CACNA1E: variants seen among roughly 807,000 people sequenced by gnomAD.
CACNA1E encodes the protein calcium voltage-gated channel subunit alpha1 E.
CACNA1E carries 40 observed loss-of-function variants against 259.2 expected under a neutral mutation model. The observed-to-expected ratio is 0.15, with a 90% confidence interval of 0.12 to 0.20. The LOEUF (loss-of-function observed/expected upper bound fraction) is 0.20. Among genes scored for constraint, CACNA1E ranks in the 10% least tolerant of loss-of-function variants. CACNA1E has a pLI of 1.00. For synonymous variants in CACNA1E, 1,104 were observed against 1,138.5 expected (o/e 0.97, Z 0.61); for missense variants, 1,874 against 3,040.1 (o/e 0.62, Z 9.02).
rs2102948064 is a variant in CACNA1E at position 181,807,312 on chromosome 1, G to A, written c.*8478G>A. 1 of 152,186 alleles carries A rather than the reference G, an allele frequency of 6.6e-6. No individual in the cohort carries two copies. Among genetic ancestry groups the A allele is most frequent in the East Asian group, 1.9e-4 (1 of 5,154 alleles). The allele number at this position is 152,186 out of a possible 1,614,324, so 9.4% of individuals were successfully genotyped here. A position where few individuals can be genotyped will look rare whatever the true frequency, so the allele number is the denominator to read the frequency against. ...CTTCCTTATGGAACAACAGGGCTCTGTGACCAGAAAAACTATGACCAGCCT... is the reference window on the plus strand; with the variant it reads ...CTTCCTTATGGAACAACAGGGCTCTATGACCAGAAAAACTATGACCAGCCT... On this transcript the variant is annotated 3_prime_UTR_variant, in exon 48 of 48. Coordinates refer to ENST00000367573, the MANE Select transcript of CACNA1E (RefSeq NM_001205293.3).
intron 7 of CACNA1E, among the ~76,000 whole-genome samples, chr1:181,706,464 C>T (rs975544320): frequency 6.6e-6 from 1 of 152,152 alleles, no homozygotes; most frequent in Non-Finnish European, 1.5e-5. Flanking sequence ...TGCTCCTGTT[C>T]TCTCCAGAAT....
intron 7 of CACNA1E, among the ~76,000 whole-genome samples, chr1:181,702,736 T>G (rs1652394843): frequency 6.6e-6 from 1 of 152,210 alleles, no homozygotes; most frequent in South Asian, 2.1e-4. Context: ...GATGTCTGCA[T>G]GGCTCACTTC....
chr1:181,772,320 A>C, intron 37 of CACNA1E, 89 bp downstream of exon 37: 1 of 1,380,864 alleles, frequency 7.2e-7, no homozygotes, highest in Admixed American at 1.9e-5. Flanking sequence ...TGTTTGCTTC[A>C]GTGTATGTTT....
At chr1:181,554,129 C>T (rs942526348) in intron 3 of CACNA1E, among the ~76,000 whole-genome samples, 2 of 152,218 alleles carry the variant, frequency 1.3e-5, no homozygotes, top group African/African-American at 4.8e-5. Context: ...ACCCCAGCCT[C>T]CCTAGTAGCT....
rs150878976 is a variant in CACNA1E at position 181,451,866 on chromosome 1, T to C, written c.435-31878T>C. ...CCTACGAGAAGTGGGGAGCCAATAA[T>C]GTATTTTAAGCAGGGGCATGAGGCA... On this transcript the variant is annotated intron_variant, in intron 2 of 11. Transcript: ENST00000524607. Among the ~76,000 whole-genome samples, 799 of 152,232 alleles carry C rather than the reference T, an allele frequency of 5.2e-3. 4 individuals are homozygous for C. The highest frequency in any genetic ancestry group is 0.019 in the African/African-American group (771 of 41,526).
intron 7 of CACNA1E, among the ~76,000 whole-genome samples, chr1:181,698,095 A>T (rs1651886589): frequency 6.6e-6 from 1 of 152,186 alleles, no homozygotes; most frequent in African/African-American, 2.4e-5. Context: ...AGTTATTTAG[A>T]ATCTATGAGG....
chr1:181,640,843 T>C (rs74783731), intron 6 of CACNA1E, among the ~76,000 whole-genome samples: 4,428 of 152,250 alleles, frequency 0.029, 99 homozygotes, highest in Non-Finnish European at 0.047. Context: ...TTATCGAGAA[T>C]CTCCTGTTTG....
At chr1:181,505,334 A>G (rs1349693769) in intron 1 of CACNA1E, among the ~76,000 whole-genome samples, 2 of 151,970 alleles carry the variant, frequency 1.3e-5, no homozygotes, top group Non-Finnish European at 2.9e-5. Flanking sequence ...CCTTCCAGCA[A>G]GACAGAATTT....
At chr1:181,331,873 C>T (rs72729311) in intron 1 of CACNA1E, among the ~76,000 whole-genome samples, 2,265 of 152,110 alleles carry the variant, frequency 0.015, 25 homozygotes, top group African/African-American at 0.023. Flanking sequence ...TCAGGTTTGT[C>T]GAAGATCAGA....
Position 181,736,385 on chromosome 1 carries a change from A to G in CACNA1E, c.3373A>G (p.Lys1125Glu). ...KQKKEKRETGKAMVPHSSMFI... is the reference protein window; with the variant it reads ...KQKKEKRETGEAMVPHSSMFI... ...GAAGAAGGAGAAGCGTGAGACAGGC[A>G]AAGCCATGGTGCCCCACAGCTCAAT... The change falls in exon 22 of 48, where the codon AAA becomes GAA. Residue 1125 changes from lysine (K) to glutamate (E), a missense_variant. Lys to Glu is a moderately conservative substitution (Grantham distance 56). Transcript: ENST00000367573. 3 of 1,612,656 alleles carry G rather than the reference A, an allele frequency of 1.9e-6. No homozygotes were observed. The highest frequency in any genetic ancestry group is 2.5e-6 in the Non-Finnish European group (3 of 1,179,340).
chr1:181,387,523 G>C (rs1310535890), intron 1 of CACNA1E, among the ~76,000 whole-genome samples: 1 of 152,198 alleles, frequency 6.6e-6, no homozygotes, highest in African/African-American at 2.4e-5. Flanking sequence ...GGAGCCAAAG[G>C]TATATGAAGC....
intron 1 of CACNA1E, among the ~76,000 whole-genome samples, chr1:181,379,120 C>T (rs1476348926): frequency 6.6e-6 from 1 of 151,902 alleles, no homozygotes; most frequent in Non-Finnish European, 1.5e-5. Context: ...TAAGTAGAGA[C>T]ATGGGAAATA....
Position 181,784,787 on chromosome 1 carries a change from G to C in CACNA1E, c.5578+19G>C. The C allele has an allele frequency of 6.9e-7, 1 of 1,439,212 alleles. No homozygotes were observed. The highest frequency in any genetic ancestry group is 1.4e-5 in the African/African-American group (1 of 70,926). 89.2% of individuals were successfully genotyped at this position (1,439,212 alleles called of 1,614,324 possible). A position where few individuals can be genotyped will look rare whatever the true frequency, so the allele number is the denominator to read the frequency against. ...CCCAAAGGTTTGGGTCTTCTCCTGG[G>C]TATCCTTGTCACTGTGGGCCCAGCA... On this transcript the variant is annotated intron_variant, in intron 41 of 47. Transcript: ENST00000367573.
chr1:181,780,732 T>G lies in CACNA1E; in HGVS notation c.5268-695T>G, dbSNP rs1258459948. On this transcript the variant is annotated intron_variant, in intron 38 of 47. Transcript: ENST00000367573. ...GTTTCTTCTGTCCCCAGCATGCCATTGACCTGGCACATGCTGGGGAATAAA... is the reference window on the plus strand; with the variant it reads ...GTTTCTTCTGTCCCCAGCATGCCATGGACCTGGCACATGCTGGGGAATAAA... Among the ~76,000 whole-genome samples, 3 of 152,274 alleles carry G rather than the reference T, an allele frequency of 2.0e-5. No homozygotes were observed. The East Asian group carries it at 5.8e-4, about 29-fold the overall frequency.
At chr1:181,507,718 C>T (rs544804999) in intron 1 of CACNA1E, among the ~76,000 whole-genome samples, 1 of 152,268 alleles carries the variant, frequency 6.6e-6, no homozygotes, top group East Asian at 1.9e-4. Context: ...AAGATTCAAC[C>T]CCCCAAAACA....
chr1:181,410,011 C>T (rs1375124840), intron 1 of CACNA1E, among the ~76,000 whole-genome samples: 1 of 151,988 alleles, frequency 6.6e-6, no homozygotes, highest in African/African-American at 2.4e-5. Flanking sequence ...GAGGGTGGCC[C>T]AGGAGCCTTT....
At position 181,733,498 on chromosome 1, in the gene CACNA1E, A is replaced by T; in HGVS notation, c.3010A>T (p.Thr1004Ser). The T allele has an allele frequency of 6.3e-7, 1 of 1,589,178 alleles. No individual in the cohort carries two copies. The highest frequency in any genetic ancestry group is 1.1e-5 in the South Asian group (1 of 87,284). Residue 1004 changes from threonine to serine, a missense_variant, in exon 21 of 48, where the codon ACC becomes TCC. Physicochemically the swap from Thr to Ser is moderately conservative, Grantham distance 58. Coordinates refer to ENST00000367573, the MANE Select transcript of CACNA1E (RefSeq NM_001205293.3). ...GGCAGGAGGCCTTGATGAGGCTGAC[A>T]CCCCCCTAGTCCTGCCCCATCCTGA... Reference protein sequence around the residue: ...GLAGGLDEADTPLVLPHPELE... With the variant: ...GLAGGLDEADSPLVLPHPELE...
chr1:181,630,390 CCA>C (rs1051710268), intron 6 of CACNA1E, among the ~76,000 whole-genome samples: 19 of 150,062 alleles, frequency 1.3e-4, no homozygotes, highest in African/African-American at 4.0e-4. Flanking sequence ...ACATGCCCCC[CCA>C]CCCCGCCTTA....
chr1:181,330,490 C>T (rs888740813), intron 1 of CACNA1E, among the ~76,000 whole-genome samples: 6 of 152,266 alleles, frequency 3.9e-5, no homozygotes, highest in African/African-American at 1.2e-4. Flanking sequence ...GCCTGGGGAA[C>T]GGGGCAAACA....
Sources: allele counts gnomAD v4.1 joint callset (sites outside exome capture counted in the v4.1 genomes callset), GRCh38; gene constraint gnomAD v4.1.1; transcripts MANE v1.5; gene names NCBI Gene and HGNC (gene_info 2026-07-23, HGNC 2026-07-21).